The following NRG1 variants were observed in gnomAD, a reference collection of about 807,000 sequenced individuals.
The protein encoded by NRG1 is neuregulin 1.
A neutral mutation model predicts 63.8 loss-of-function variants in NRG1; 18 were observed. That is an observed-to-expected ratio of 0.28 (90% confidence interval 0.19 to 0.42). NRG1 has a LOEUF of 0.42. Among genes scored for constraint, NRG1 ranks in the 10% least tolerant of loss-of-function variants. The pLI is 1.00. For synonymous variants in NRG1, 302 were observed against 301.3 expected, an observed-to-expected ratio of 1.00 and a Z score of -0.02; for missense variants, 762 against 814.7, an observed-to-expected ratio of 0.94 and a Z score of 0.79.
intron 1 of NRG1, among the ~76,000 whole-genome samples, chr8:32,451,380 C>A (rs1371596734): frequency 1.3e-5 from 2 of 152,158 alleles, no homozygotes; most frequent in African/African-American, 4.8e-5. Flanking sequence ...TGCCTCCTGG[C>A]AAAACAGGGC....
At chr8:32,194,626 G>GTTA (rs1842797822) in intron 1 of NRG1, among the ~76,000 whole-genome samples, 1 of 152,058 alleles carries the variant, frequency 6.6e-6, no homozygotes, top group African/African-American at 2.4e-5. Flanking sequence ...CAGGGCCATG[G>GTTA]CATTCAAAAC....
At chr8:31,876,399 A>G (rs1829926365) in intron 1 of NRG1, among the ~76,000 whole-genome samples, 1 of 152,182 alleles carries the variant, frequency 6.6e-6, no homozygotes, top group South Asian at 2.1e-4. Flanking sequence ...AAAGCTTTCT[A>G]TTCATTTGAG....
At chr8:32,503,921 G>T (rs1009143723) in intron 1 of NRG1, among the ~76,000 whole-genome samples, 1 of 152,108 alleles carries the variant, frequency 6.6e-6, no homozygotes, top group African/African-American at 2.4e-5. Flanking sequence ...ATTCCTTCTC[G>T]CCTGATTCTT....
At chr8:32,172,534 A>G (rs1840188700) in intron 1 of NRG1, among the ~76,000 whole-genome samples, 1 of 152,190 alleles carries the variant, frequency 6.6e-6, no homozygotes, top group Admixed American at 6.5e-5. Flanking sequence ...CAGACAATCA[A>G]ACTACTCTGA....
chr8:32,312,485 T>C (rs897332332), intron 1 of NRG1, among the ~76,000 whole-genome samples: 10 of 151,834 alleles, frequency 6.6e-5, no homozygotes, highest in African/African-American at 2.4e-4. Flanking sequence ...CTGTGACTTT[T>C]TCTCAAGGGC....
chr8:32,127,096 C>A (rs1015104982), intron 1 of NRG1, among the ~76,000 whole-genome samples: 4 of 151,900 alleles, frequency 2.6e-5, no homozygotes, highest in African/African-American at 9.7e-5. Flanking sequence ...TATGTAGTTT[C>A]CTATCCCAGA....
At chr8:31,776,619 A>G (rs1186687300) in intron 1 of NRG1, among the ~76,000 whole-genome samples, 2 of 151,968 alleles carry the variant, frequency 1.3e-5, no homozygotes, top group Admixed American at 1.3e-4. Context: ...TACATGTGCC[A>G]TGTTGGTGTG....
At chr8:31,680,487 T>C (rs1471075019) in intron 1 of NRG1, among the ~76,000 whole-genome samples, 1 of 151,852 alleles carries the variant, frequency 6.6e-6, no homozygotes, top group Non-Finnish European at 1.5e-5. Context: ...TTTTTATGGC[T>C]GCATAGTATT....
intron 1 of NRG1, among the ~76,000 whole-genome samples, chr8:31,870,295 A>G (rs1829362573): frequency 6.6e-6 from 1 of 152,198 alleles, no homozygotes; most frequent in African/African-American, 2.4e-5. Context: ...GGGTTAACAT[A>G]ATCAGAAGGT....
At chr8:32,398,566 A>G (rs1812746531) in intron 1 of NRG1, among the ~76,000 whole-genome samples, 1 of 152,020 alleles carries the variant, frequency 6.6e-6, no homozygotes, top group African/African-American at 2.4e-5. Flanking sequence ...GCCCGCCATT[A>G]TGCCCATCTG....
intron 1 of NRG1, among the ~76,000 whole-genome samples, chr8:31,947,852 A>G (rs1021512471): frequency 1.2e-4 from 17 of 147,618 alleles, no homozygotes; most frequent in African/African-American, 4.3e-4. Context: ...ATGCTGAGGC[A>G]GGAGAATCAC....
intron 1 of NRG1, among the ~76,000 whole-genome samples, chr8:32,000,344 A>C (rs540095133): frequency 6.6e-6 from 1 of 152,008 alleles, no homozygotes; most frequent in Admixed American, 6.6e-5. Context: ...TTGTCCTTGA[A>C]ATAGAACCTC....
At chr8:32,326,954 T>A (rs577623611) in intron 1 of NRG1, among the ~76,000 whole-genome samples, 54 of 152,290 alleles carry the variant, frequency 3.5e-4, no homozygotes, top group African/African-American at 1.3e-3. Context: ...AACACTAACA[T>A]GGGCTCAGAT....
intron 7 of NRG1, among the ~76,000 whole-genome samples, chr8:32,743,738 C>A (rs1221186357): frequency 2.1e-5 from 3 of 143,050 alleles, no homozygotes; most frequent in East Asian, 5.0e-4. Context: ...CTATTGTGAA[C>A]TGGACACATA....
chr8:32,363,719 AT>A (rs915976548), intron 1 of NRG1, among the ~76,000 whole-genome samples: 3 of 151,704 alleles, frequency 2.0e-5, no homozygotes, highest in South Asian at 2.1e-4. Context: ...GTTTTTTTTA[AT>A]TTTTTTTACA....
At chr8:32,355,891 C>G (rs1467949504) in intron 1 of NRG1, among the ~76,000 whole-genome samples, 1 of 152,040 alleles carries the variant, frequency 6.6e-6, no homozygotes, top group African/African-American at 2.4e-5. Context: ...TAATGGTCTT[C>G]CAGATGAAGG....
chr8:31,829,393 C>A (rs937670), intron 1 of NRG1, among the ~76,000 whole-genome samples: 2 of 152,068 alleles, frequency 1.3e-5, no homozygotes, highest in South Asian at 2.1e-4. Flanking sequence ...TTATTTTGCA[C>A]CTACCATGCT....
intron 1 of NRG1, among the ~76,000 whole-genome samples, chr8:31,864,445 G>A (rs147783482): frequency 6.6e-6 from 1 of 152,166 alleles, no homozygotes; most frequent in Non-Finnish European, 1.5e-5. Context: ...TTCCTCCAAG[G>A]TGTGGTGTTT....
intron 1 of NRG1, among the ~76,000 whole-genome samples, chr8:32,027,377 C>G (rs768146001): frequency 4.6e-5 from 7 of 151,598 alleles, no homozygotes; most frequent in Non-Finnish European, 8.8e-5. Context: ...TTTTAATTTG[C>G]TAAATCTGTA....
Sources: allele counts gnomAD v4.1 joint callset (sites outside exome capture counted in the v4.1 genomes callset), GRCh38; gene constraint gnomAD v4.1.1; transcripts MANE v1.5; gene names NCBI Gene and HGNC (gene_info 2026-07-23, HGNC 2026-07-21).